Variants in IMMP2L observed in about 807,000 individuals in gnomAD.
IMMP2L encodes mitochondrial inner membrane protease subunit 2.
Under a neutral mutation model 19.3 loss-of-function variants are expected in IMMP2L, and 18 were observed. That is an observed-to-expected ratio of 0.93 (90% CI 0.64 to 1.38). IMMP2L has a LOEUF of 1.38. IMMP2L is among the 40% of genes most tolerant of loss of function. The pLI is 0.00. For synonymous variants in IMMP2L, 76 were observed against 73.0 expected (o/e 1.04, Z -0.21); for missense variants, 233 against 218.2 (o/e 1.07, Z -0.43).
chr7:111,532,112 G>A (rs1847448889), intron 1 of IMMP2L, among the ~76,000 whole-genome samples: 1 of 152,084 alleles, frequency 6.6e-6, no homozygotes, highest in East Asian at 1.9e-4. Flanking sequence ...AAAAAAAGAA[G>A]GGTACAAAAT....
chr7:110,869,917 C>T (rs1263406183), intron 5 of IMMP2L, among the ~76,000 whole-genome samples: 7 of 152,026 alleles, frequency 4.6e-5, no homozygotes, highest in African/African-American at 7.2e-5. Context: ...TGGACTTTGC[C>T]TTTTTAATAT....
chr7:111,189,848 T>A (rs1808682150), intron 3 of IMMP2L, among the ~76,000 whole-genome samples: 1 of 152,150 alleles, frequency 6.6e-6, no homozygotes, highest in African/African-American at 2.4e-5. Context: ...GAGGAAAGAT[T>A]CCTTTCCTAG....
At chr7:111,070,405 T>C (rs1332306573) in intron 3 of IMMP2L, among the ~76,000 whole-genome samples, 2 of 152,116 alleles carry the variant, frequency 1.3e-5, no homozygotes, top group Non-Finnish European at 1.5e-5. Context: ...ATTCTATTAA[T>C]GGTATACAGA....
chr7:111,223,274 TC>T (rs1309745297), intron 3 of IMMP2L, among the ~76,000 whole-genome samples: 1 of 151,992 alleles, frequency 6.6e-6, no homozygotes, highest in Non-Finnish European at 1.5e-5. Flanking sequence ...TAATATTTTT[TC>T]TTTAAGAAAG....
At chr7:110,998,093 C>A (rs1195512909) in intron 3 of IMMP2L, among the ~76,000 whole-genome samples, 1 of 152,088 alleles carries the variant, frequency 6.6e-6, no homozygotes, top group African/African-American at 2.4e-5. Context: ...ATCTCATACC[C>A]AAACTATCCT....
At chr7:110,733,743 T>TTAG (rs1299698349) in intron 5 of IMMP2L, among the ~76,000 whole-genome samples, 1 of 152,068 alleles carries the variant, frequency 6.6e-6, no homozygotes, top group Non-Finnish European at 1.5e-5. Context: ...ATTAAGGGGA[T>TTAG]TAGTGTACTT....
chr7:111,059,999 T>A (rs936155432), intron 3 of IMMP2L, among the ~76,000 whole-genome samples: 2 of 152,152 alleles, frequency 1.3e-5, no homozygotes, highest in Non-Finnish European at 2.9e-5. Flanking sequence ...GCTGTCTCAT[T>A]AGTTAGTAAG....
intron 4 of IMMP2L, among the ~76,000 whole-genome samples, chr7:110,925,295 C>T (rs1232618998): frequency 2.0e-5 from 3 of 152,078 alleles, no homozygotes; most frequent in Admixed American, 2.0e-4. Context: ...GCCTTACAAA[C>T]AGACATCAAA....
rs187965462 is a variant in IMMP2L, at chr7:111,361,324, C to A, written c.239+125914G>T. On this transcript the variant is annotated intron_variant, in intron 3 of 5. Transcript: ENST00000405709. ...ACAACAAACTCAACGTTATGCATATCAAAACTAAAATTGTTGCATTTTGCA... is the reference window on the plus strand; with the variant it reads ...ACAACAAACTCAACGTTATGCATATAAAAACTAAAATTGTTGCATTTTGCA... Among the ~76,000 whole-genome samples the A allele has an allele frequency of 2.8e-4, 42 of 152,130 alleles. No individual in the cohort carries two copies. The East Asian group carries it at 7.9e-3, about 29-fold the overall frequency.
chr7:110,765,483 C>T (rs1381655334), intron 5 of IMMP2L, among the ~76,000 whole-genome samples: 1 of 152,034 alleles, frequency 6.6e-6, no homozygotes, highest in Non-Finnish European at 1.5e-5. Flanking sequence ...AGAGAATCAT[C>T]AATGTTTTCA....
At chr7:111,047,214 G>T (rs1266481147) in intron 3 of IMMP2L, among the ~76,000 whole-genome samples, 2 of 150,860 alleles carry the variant, frequency 1.3e-5, no homozygotes, top group African/African-American at 4.9e-5. Context: ...TTGAGACAGA[G>T]TTTCACTCTT....
At chr7:111,037,311 T>C (rs192859827) in intron 3 of IMMP2L, among the ~76,000 whole-genome samples, 166 of 152,240 alleles carry the variant, frequency 1.1e-3, no homozygotes, top group Middle Eastern at 3.4e-3. Flanking sequence ...ATTTCTCAAG[T>C]GGAGGTTTCC....
chr7:111,227,108 G>A lies in IMMP2L; in HGVS notation c.239+260130C>T, dbSNP rs189688734. ...ATAAGAAGGGGTGGGTTGAAGCTGC[G>A]TAAGGGGCTTTCAATGGTTCCAGAT... On this transcript the variant is annotated intron_variant, in intron 3 of 5. Transcript: ENST00000405709. Among the ~76,000 whole-genome samples, 63 of 152,138 alleles carry A rather than the reference G, an allele frequency of 4.1e-4. 1 individual carries two copies. The South Asian group carries it at 0.012, about 29-fold the overall frequency.
chr7:110,904,980 G>A (rs1812300451), intron 4 of IMMP2L, among the ~76,000 whole-genome samples: 1 of 152,038 alleles, frequency 6.6e-6, no homozygotes. Context: ...TCTTTTCATG[G>A]TTACAAAATA....
intron 3 of IMMP2L, among the ~76,000 whole-genome samples, chr7:110,974,367 G>A (rs2129557053): frequency 6.6e-6 from 1 of 152,116 alleles, no homozygotes; most frequent in Middle Eastern, 3.4e-3. Flanking sequence ...TGTAGGCAAT[G>A]GCACCATGCT....
At chr7:110,666,919 C>T (rs10242441) in intron 5 of IMMP2L, among the ~76,000 whole-genome samples, 4,950 of 151,996 alleles carry the variant, frequency 0.033, 176 homozygotes, top group African/African-American at 0.083. Context: ...ACTTGTAGGC[C>T]GGAGTGCAGT....
At chr7:110,906,784 G>A (rs1229140949) in intron 4 of IMMP2L, among the ~76,000 whole-genome samples, 1 of 152,046 alleles carries the variant, frequency 6.6e-6, no homozygotes, top group African/African-American at 2.4e-5. Context: ...ATTGTAAAGT[G>A]CTTAGGACAG....
At chr7:110,953,726 C>A (rs550609781) in intron 4 of IMMP2L, among the ~76,000 whole-genome samples, 1 of 152,100 alleles carries the variant, frequency 6.6e-6, no homozygotes, top group Admixed American at 6.6e-5. Flanking sequence ...GGTTCTAGAT[C>A]CTTCAGGAAT....
At chr7:111,031,732 G>C (rs1168250609) in intron 3 of IMMP2L, among the ~76,000 whole-genome samples, 1 of 151,992 alleles carries the variant, frequency 6.6e-6, no homozygotes, top group Non-Finnish European at 1.5e-5. Context: ...ACTATCTTCT[G>C]AAAATTATAG....
Sources: gnomAD v4.1 joint callset for allele counts (sites outside exome capture counted in the v4.1 genomes callset) on GRCh38, gnomAD v4.1.1 for gene constraint, MANE v1.5 for transcripts, NCBI Gene and HGNC (gene_info 2026-07-23, HGNC 2026-07-21) for gene names.